The following AKR1A1 variants were observed in gnomAD, a reference collection of about 807,000 sequenced individuals.
The protein encoded by AKR1A1 is HEL-S-165mP.
A neutral mutation model predicts 39.2 loss-of-function variants in AKR1A1; 26 were observed. The ratio of observed to expected loss-of-function variants is 0.66; its 90% CI spans 0.49 to 0.92. AKR1A1 has a LOEUF of 0.92. Ranked by LOEUF, AKR1A1 falls within the 40% of genes least tolerant of loss-of-function variation. The probability of loss-of-function intolerance (pLI) is 0.00; values close to 1 mark genes in which losing one functional copy is unlikely to be tolerated. For synonymous variants in AKR1A1, 141 were observed against 155.5 expected (o/e 0.91, Z 0.69); for missense variants, 378 against 406.5 (o/e 0.93, Z 0.60).
At position 45,561,897 on chromosome 1, in the gene AKR1A1, A is replaced by G; in HGVS notation, c.84+19A>G. The G allele has an allele frequency of 1.2e-6, 2 of 1,613,004 alleles. No homozygotes were observed. The highest frequency in any genetic ancestry group is 1.7e-6 in the Non-Finnish European group (2 of 1,179,126). On this transcript the variant is annotated intron_variant, in intron 2 of 8. Transcript: ENST00000351829. ...TGGTCAGGTGAGGGATGGGGGAAGA[A>G]AAAAGAAACTTGTTGAGCCTCTGCC...
At chr1:45,554,423 G>C (rs917034800) in intron 1 of AKR1A1, among the ~76,000 whole-genome samples, 2 of 152,038 alleles carry the variant, frequency 1.3e-5, no homozygotes, top group Non-Finnish European at 2.9e-5. Context: ...GCGAGACTCT[G>C]TCTCAATAAA....
chr1:45,551,752 C>G (rs544942493), intron 1 of AKR1A1, among the ~76,000 whole-genome samples: 1 of 152,338 alleles, frequency 6.6e-6, no homozygotes, highest in East Asian at 1.9e-4. Flanking sequence ...ATCTTTAATA[C>G]AGGAGCAATC....
intron 1 of AKR1A1, among the ~76,000 whole-genome samples, chr1:45,552,980 C>A (rs1644150678): frequency 6.6e-6 from 1 of 152,006 alleles, no homozygotes; most frequent in Admixed American, 6.6e-5. Flanking sequence ...CAAAAAGTAG[C>A]TGGGTGTGGT....
chr1:45,565,258 G>A (rs1198056012), intron 2 of AKR1A1, among the ~76,000 whole-genome samples: 1 of 148,180 alleles, frequency 6.7e-6, no homozygotes, highest in Non-Finnish European at 1.5e-5. Context: ...AGCCTCCCAA[G>A]TACCCGGGAT....
chr1:45,561,514 G>A (rs1644277244), intron 1 of AKR1A1, among the ~76,000 whole-genome samples: 1 of 151,924 alleles, frequency 6.6e-6, no homozygotes, highest in Admixed American at 6.6e-5. Flanking sequence ...AGTGATTCTT[G>A]TGCCTCAGCC....
chr1:45,557,536 C>T (rs193014375), intron 1 of AKR1A1, among the ~76,000 whole-genome samples: 10 of 152,274 alleles, frequency 6.6e-5, no homozygotes, highest in Admixed American at 5.2e-4. Context: ...CTTCCTTTTC[C>T]CCTTAAGCCA....
At chr1:45,568,894 C>A (rs1557638039) in intron 6 of AKR1A1, 33 bp from the exon 7 acceptor site, 1 of 1,608,266 alleles carries the variant, frequency 6.2e-7, no homozygotes, top group Non-Finnish European at 8.5e-7. Flanking sequence ...AATACTGACC[C>A]CTTTTCCTCA....
intron 1 of AKR1A1, among the ~76,000 whole-genome samples, chr1:45,555,802 G>A (rs555248078): frequency 6.6e-5 from 10 of 152,278 alleles, no homozygotes; most frequent in Non-Finnish European, 1.2e-4. Flanking sequence ...GGTCTGCGTA[G>A]CCCCACAGCC....
intron 1 of AKR1A1, among the ~76,000 whole-genome samples, chr1:45,554,652 A>C (rs539236421): frequency 6.6e-6 from 1 of 152,272 alleles, no homozygotes. Flanking sequence ...AATACTCATA[A>C]ATGCCTGCAA....
chr1:45,552,008 T>TGTAC (rs1644137137), intron 1 of AKR1A1, among the ~76,000 whole-genome samples: 1 of 151,678 alleles, frequency 6.6e-6, no homozygotes, highest in African/African-American at 2.4e-5. Flanking sequence ...TATGTATGTA[T>TGTAC]GTATGTATGT....
At chr1:45,562,000 C>T (rs1570904329) in intron 2 of AKR1A1, 122 bp downstream of exon 2, 1 of 942,712 alleles carries the variant, frequency 1.1e-6, no homozygotes, top group East Asian at 2.5e-5. Flanking sequence ...AGAGAAGACA[C>T]CAATTATACA....
At chr1:45,566,442 T>C in intron 2 of AKR1A1, 127 bp from the exon 3 acceptor site, 2 of 1,402,970 alleles carry the variant, frequency 1.4e-6, no homozygotes, top group East Asian at 4.7e-5. Context: ...TTCCATCTTT[T>C]CACCTCCACT....
chr1:45,567,245 A>G (rs1206506231), intron 4 of AKR1A1: 7 of 576,038 alleles, frequency 1.2e-5, no homozygotes, highest in Non-Finnish European at 2.1e-5. Flanking sequence ...TGTGTACCCC[A>G]GGGTATGCAC....
chr1:45,555,676 A>G (rs1225935662), intron 1 of AKR1A1, among the ~76,000 whole-genome samples: 2 of 152,178 alleles, frequency 1.3e-5, no homozygotes, highest in Non-Finnish European at 2.9e-5. Context: ...CCTGGAACCA[A>G]TCTCCTGTGG....
intron 1 of AKR1A1, among the ~76,000 whole-genome samples, chr1:45,552,970 C>G (rs574385463): frequency 1.3e-5 from 2 of 151,904 alleles, no homozygotes; most frequent in Non-Finnish European, 2.9e-5. Context: ...ACTAAAAATA[C>G]AAAAAGTAGC....
chr1:45,554,395 T>G (rs755872646), intron 1 of AKR1A1, among the ~76,000 whole-genome samples: 1 of 152,104 alleles, frequency 6.6e-6, no homozygotes, highest in African/African-American at 2.4e-5. Flanking sequence ...ACCACTGCCC[T>G]CCAGCCTGGA....
chr1:45,569,398 G>A (rs1310825649), intron 8 of AKR1A1, among the ~76,000 whole-genome samples, 169 bp downstream of exon 8: 1 of 152,132 alleles, frequency 6.6e-6, no homozygotes, highest in Non-Finnish European at 1.5e-5. Flanking sequence ...CAGGGAAGTA[G>A]TATGGCTCAG....
intron 1 of AKR1A1, among the ~76,000 whole-genome samples, chr1:45,556,821 G>A (rs1156781614): frequency 2.6e-5 from 4 of 152,028 alleles, no homozygotes; most frequent in Admixed American, 2.0e-4. Context: ...AGGTTGTGGT[G>A]AGCCAAGATT....
At chr1:45,565,034 G>A (rs1279919492) in intron 2 of AKR1A1, among the ~76,000 whole-genome samples, 1 of 151,202 alleles carries the variant, frequency 6.6e-6, no homozygotes, top group Non-Finnish European at 1.5e-5. Flanking sequence ...GTGTTAGCCA[G>A]GATGGTCTCG....
Sources: gnomAD v4.1 joint callset for allele counts (sites outside exome capture counted in the v4.1 genomes callset) on GRCh38, gnomAD v4.1.1 for gene constraint, MANE v1.5 for transcripts, NCBI Gene and HGNC (gene_info 2026-07-23, HGNC 2026-07-21) for gene names.